Variants in ZNF701 observed in about 807,000 individuals in gnomAD.
ZNF701 encodes the protein zinc finger protein 701.
In ZNF701, 6 loss-of-function variants were observed where a neutral mutation model predicts 7.1. The observed-to-expected ratio is 0.84, with a 90% CI of 0.46 to 1.66. The LOEUF (loss-of-function observed/expected upper bound fraction) is 1.66, where lower values mean the gene tolerates loss of function less well. ZNF701 is among the 40% of genes most tolerant of loss of function. ZNF701 has a pLI of 0.01. For missense variants in ZNF701, 541 were observed against 559.2 expected, an observed-to-expected ratio of 0.97 and a Z score of 0.33; for synonymous variants, 166 against 188.2, an observed-to-expected ratio of 0.88 and a Z score of 0.97.
downstream of ZNF701, among the ~76,000 whole-genome samples, chr19:52,590,598 GT>G (rs1310415399): frequency 5.3e-5 from 8 of 152,042 alleles, no homozygotes; most frequent in Non-Finnish European, 1.0e-4. Context: ...TTCCAACATT[GT>G]TTGGGTTGGA....
At chr19:52,588,327 A>G (rs1196682572), downstream of ZNF701, among the ~76,000 whole-genome samples, 2 of 151,926 alleles carry the variant, frequency 1.3e-5, no homozygotes, top group Non-Finnish European at 2.9e-5. Flanking sequence ...CTCTAGTAAA[A>G]ATAGAAAAAT....
chr19:52,587,799 TATC>T (rs1345775331), downstream of ZNF701, among the ~76,000 whole-genome samples: 2 of 152,218 alleles, frequency 1.3e-5, no homozygotes, highest in African/African-American at 4.8e-5. Flanking sequence ...AGATTGCTAT[TATC>T]ATAGGATGGG....
At chr19:52,589,198 A>G (rs1181369165), downstream of ZNF701, among the ~76,000 whole-genome samples, 1 of 152,150 alleles carries the variant, frequency 6.6e-6, no homozygotes, top group East Asian at 1.9e-4. Context: ...TCACTCTTTT[A>G]AGCAAATCTT....
At chr19:52,593,431 G>A in the ZNF701 span, among the ~76,000 whole-genome samples, 2 of 111,160 alleles carry the variant, frequency 1.8e-5, 1 homozygote, top group African/African-American at 7.0e-5. Flanking sequence ...CCTCCCTCCC[G>A]GAGGGAGCGG....
chr19:52,571,984 AG>A (rs2059903877), intron 1 of ZNF701, among the ~76,000 whole-genome samples: 1 of 151,396 alleles, frequency 6.6e-6, no homozygotes. Context: ...CCACCACACC[AG>A]GCTAATTTTG....
At chr19:52,593,557 G>A in the ZNF701 span, among the ~76,000 whole-genome samples, 65 of 113,452 alleles carry the variant, frequency 5.7e-4, 20 homozygotes, top group African/African-American at 2.2e-3. Flanking sequence ...ACCTCCCTCC[G>A]GGACGAGGTG....
At chr19:52,597,985 C>T in the ZNF701 span, 1 of 152,950 alleles carries the variant, frequency 6.5e-6, no homozygotes, top group Non-Finnish European at 1.5e-5. Flanking sequence ...TGCTCTGTCG[C>T]CCAGGCTGGA....
At chr19:52,594,612 C>G in the ZNF701 span, among the ~76,000 whole-genome samples, 1 of 151,906 alleles carries the variant, frequency 6.6e-6, no homozygotes, top group South Asian at 2.1e-4. Flanking sequence ...CTCCCAGGTT[C>G]AAGCGATTCT....
the ZNF701 span, chr19:52,597,240 A>G: frequency 1.5e-5 from 8 of 549,436 alleles, no homozygotes; most frequent in East Asian, 3.3e-4. Flanking sequence ...GAGAATTCAT[A>G]CAGGAGAGAA....
At chr19:52,588,595 AG>A, downstream of ZNF701, 1 of 403,296 alleles carries the variant, frequency 2.5e-6, no homozygotes, top group Non-Finnish European at 4.8e-6. Flanking sequence ...AAAAGGAGCC[AG>A]GGACGGCTCT....
chr19:52,572,637 C>T (rs1024549185), intron 1 of ZNF701: 1 of 348,410 alleles, frequency 2.9e-6, no homozygotes, highest in African/African-American at 2.2e-5. Flanking sequence ...GTGAAAATGT[C>T]CCCGTTCTGA....
Position 52,574,123 on chromosome 19 carries a change from G to T in ZNF701, c.-25G>T, listed in dbSNP as rs2059917721. On this transcript the variant is annotated 5_prime_UTR_variant, in exon 2 of 4. Coordinates refer to ENST00000391785, the MANE Select transcript of ZNF701 (RefSeq NM_018260.3). ...TACGTGAGGAAAAAACACGGAAGAG[G>T]AAGAGGAAAGCAAAGGAGTCAGGGA... 1.2e-6 allele frequency: 2 copies of T among 1,612,378 alleles called. No homozygotes were observed. Among genetic ancestry groups the T allele is most frequent in the Non-Finnish European group, 1.7e-6 (2 of 1,179,272 alleles).
In ZNF701 at chr19:52,582,669, C is replaced by G; in HGVS notation, c.610C>G (p.Gln204Glu). The change falls in exon 4 of 4, where the codon CAA becomes GAA. Residue 204 changes from glutamine (Q) to glutamate (E), a missense_variant. Transcript: ENST00000391785. ...NNFLQSSLLT[Q>E]KREVHTREKS... ...TTTCCTCCAGTCTTCATTACTCACA[C>G]AAAAACGGGAAGTACACACAAGAGA... 1 of 1,614,098 alleles carries G rather than the reference C, an allele frequency of 6.2e-7. No homozygotes were observed.
At chr19:52,589,437 A>AT (rs1374627982), downstream of ZNF701, among the ~76,000 whole-genome samples, 6 of 143,462 alleles carry the variant, frequency 4.2e-5, no homozygotes, top group African/African-American at 7.7e-5. Flanking sequence ...CACATTATGC[A>AT]TTTTTTTAGG....
rs778276369 is a variant in ZNF701, at chr19:52,582,272, A to G, written c.213A>G (p.Thr71=). The change falls in exon 4 of 4, where the codon ACA becomes ACG. Residue 71 remains threonine (T), a synonymous_variant. Transcript: ENST00000391785. The part of the protein sequence containing the change: ...TGQGNTEVVH[T]GTLQIHASHH... The stretch of plus-strand genomic sequence containing the variant: ...AAGGCAATACAGAAGTGGTCCACAC[A>G]GGGACATTGCAAATACATGCAAGTC... 10 of 1,613,026 alleles carry G rather than the reference A, an allele frequency of 6.2e-6. No individual in the cohort carries two copies. In the Admixed American group the frequency reaches 1.5e-4, roughly 24 times the overall value.
chr19:52,597,871 C>A, the ZNF701 span: 1 of 168,690 alleles, frequency 5.9e-6, no homozygotes. Context: ...ATCCTCTTGC[C>A]CTGCAGGACT....
chr19:52,576,155 T>C (rs551789827), intron 3 of ZNF701, 134 bp downstream of exon 3: 1 of 1,549,354 alleles, frequency 6.5e-7, no homozygotes, highest in African/African-American at 1.4e-5. Flanking sequence ...AAAAGCTTCA[T>C]GATGTAGCAT....
intron 3 of ZNF701, among the ~76,000 whole-genome samples, chr19:52,577,076 C>T (rs960033941): frequency 7.9e-5 from 12 of 152,268 alleles, no homozygotes; most frequent in African/African-American, 2.9e-4. Context: ...TCTTTGCCCC[C>T]ACTTATCCCT....
chr19:52,570,542 A>T (rs556174878), intron 1 of ZNF701: 4 of 152,202 alleles, frequency 2.6e-5, no homozygotes, highest in Admixed American at 2.0e-4. Flanking sequence ...TTTCTGCTAC[A>T]GGGCGCTGTA....
Sources: gnomAD v4.1 joint callset for allele counts (sites outside exome capture counted in the v4.1 genomes callset) on GRCh38, gnomAD v4.1.1 for gene constraint, MANE v1.5 for transcripts, NCBI Gene and HGNC (gene_info 2026-07-23, HGNC 2026-07-21) for gene names.